The following DMXL2 variants were observed in gnomAD, a reference collection of about 807,000 sequenced individuals.
The protein encoded by DMXL2 is dmX-like protein 2.
In DMXL2, 103 loss-of-function variants were observed where a neutral mutation model predicts 331.1. The observed-to-expected ratio is 0.31, with a 90% CI of 0.27 to 0.37. The LOEUF (loss-of-function observed/expected upper bound fraction) is 0.37, where lower values mean the gene tolerates loss of function less well. Ranked by LOEUF, DMXL2 falls within the 10% of genes least tolerant of loss-of-function variation. The pLI is 1.00. For missense variants in DMXL2, 3,171 were observed against 3,642.9 expected, an observed-to-expected ratio of 0.87 and a Z score of 3.33; for synonymous variants, 1,281 against 1,252.1, an observed-to-expected ratio of 1.02 and a Z score of -0.49.
intron 28 of DMXL2, among the ~76,000 whole-genome samples, 180 bp from the exon 29 acceptor site, chr15:51,471,581 C>T (rs2041112910): frequency 6.6e-6 from 1 of 152,152 alleles, no homozygotes; most frequent in Admixed American, 6.5e-5. Flanking sequence ...GGCAGAGATA[C>T]AGATGGAGAT....
At chr15:51,496,390 C>T (rs576510182) in intron 18 of DMXL2, among the ~76,000 whole-genome samples, 1 of 152,224 alleles carries the variant, frequency 6.6e-6, no homozygotes, top group Admixed American at 6.5e-5. Context: ...CAGGAAGGAA[C>T]TCTCCAATAA....
chr15:51,457,510 C>T (rs1458379466), intron 36 of DMXL2, 44 bp from the exon 37 acceptor site: 2 of 1,598,436 alleles, frequency 1.3e-6, no homozygotes, highest in African/African-American at 2.7e-5. Context: ...TCCCTTTTCT[C>T]TTAACACAAA....
At chr15:51,452,454 T>TAATTCTCAAAATACAA (rs1405202096) in intron 41 of DMXL2, among the ~76,000 whole-genome samples, 1 of 151,942 alleles carries the variant, frequency 6.6e-6, no homozygotes, top group African/African-American at 2.4e-5. Context: ...CATGAACAGA[T>TAATTCTCAAAATACAA]AATTCTCAAA....
intron 9 of DMXL2, 125 bp downstream of exon 9, chr15:51,542,208 T>C: frequency 1.1e-6 from 1 of 893,688 alleles, no homozygotes; most frequent in Non-Finnish European, 1.7e-6. Flanking sequence ...ATTATATCTC[T>C]ACTCCAATTA....
In DMXL2 at chr15:51,499,023, C is replaced by T; in HGVS notation, c.4201G>A (p.Val1401Ile). 2 of 1,613,968 alleles carry T rather than the reference C, an allele frequency of 1.2e-6. No individual in the cohort carries two copies. Among genetic ancestry groups the T allele is most frequent in the Non-Finnish European group, 1.7e-6 (2 of 1,180,022 alleles). ...GTTTCCTTTGCTGTACTGCCACTTA[C>T]ACTAATAGTTCGAGAGAGATGTCGC... ...TKRHLSRTIS[V>I]SGSTAKETVT... Residue 1401 changes from valine to isoleucine, a missense_variant, in exon 18 of 44, where the codon GTA (valine) becomes ATA (isoleucine). This residue lies in a region of DMXL2 where 1,674 missense variants were observed against 1,780.2 expected (regional missense o/e 0.94). Coordinates refer to ENST00000560891, the MANE Select transcript of DMXL2 (RefSeq NM_001378457.1).
chr15:51,470,672 A>C (rs1016502706), intron 29 of DMXL2, among the ~76,000 whole-genome samples: 2 of 152,244 alleles, frequency 1.3e-5, no homozygotes, highest in Non-Finnish European at 2.9e-5. Context: ...AAGGAGAATC[A>C]TGAGCTCAAA....
In DMXL2 at chr15:51,605,517, CTTTTTTTTTTTTTTT is replaced by C. The variant is rs58113467; in HGVS notation, c.87+16927_87+16941del. Among the ~76,000 whole-genome samples the C allele has an allele frequency of 5.8e-4, 13 of 22,226 alleles. 2 individuals carry two copies. Among genetic ancestry groups the C allele is most frequent in the South Asian group, 2.0e-3 (1 of 498 alleles). The allele number at this position is 22,226 out of a possible 152,430, so 14.6% of individuals were successfully genotyped here. ...GGCCCAGCCCATACAGATTAATATTCTTTTTTTTTTTTTTTTTTTTTTTTTTTTTTTTTTTTTGAG... is the reference window on the plus strand; with the variant it reads ...GGCCCAGCCCATACAGATTAATATTCTTTTTTTTTTTTTTTTTTTTTTGAG... On this transcript the variant is annotated intron_variant, in intron 1 of 43. Transcript: ENST00000560891.
intron 1 of DMXL2, among the ~76,000 whole-genome samples, chr15:51,580,564 A>G (rs1362018452): frequency 2.6e-5 from 4 of 152,178 alleles, no homozygotes; most frequent in Non-Finnish European, 5.9e-5. Context: ...CTGCTCTTCT[A>G]ACAGTACTGA....
chr15:51,526,717 ACAAT>A (rs770835524), intron 13 of DMXL2, among the ~76,000 whole-genome samples: 8 of 152,234 alleles, frequency 5.3e-5, no homozygotes, highest in Non-Finnish European at 8.8e-5. Flanking sequence ...ATAATTAAAA[ACAAT>A]CAAGCAGAAA....
Position 51,476,621 on chromosome 15 carries a change from G to A in DMXL2, c.6932C>T (p.Ala2311Val), listed in dbSNP as rs746573677. 7 of 1,610,788 alleles carry A rather than the reference G, an allele frequency of 4.3e-6. No homozygotes were observed. Among genetic ancestry groups the A allele is most frequent in the East Asian group, 4.5e-5 (2 of 44,742 alleles). Residue 2311 changes from alanine (A) to valine (V), a missense_variant, in exon 27 of 44, where the codon GCA (alanine) becomes GTA (valine). Ala to Val is a moderately conservative substitution (Grantham distance 64, BLOSUM62 0). Coordinates refer to ENST00000560891, the MANE Select transcript of DMXL2 (RefSeq NM_001378457.1). ...TTGAGCAGGAGATGAATTTGGTGTT[G>A]CGTGTTCTTCAATGCTTTCTGTCCT... is the stretch of plus-strand genomic sequence containing the variant. ...RLRTESIEEH[A>V]TPNSSPAQWP...
rs774451049 is a variant in DMXL2, at chr15:51,622,525, G to A, written c.21C>T (p.Leu7=). MHLHQV[L]TGAVNPGDNC... is the part of the protein sequence containing the mutation. The stretch of plus-strand genomic sequence containing the variant: ...TGTCTCCAGGGTTGACAGCTCCGGT[G>A]AGGACCTGATGCAGATGCATCTCCG... The change falls in exon 1 of 44, where the codon CTC becomes CTT. Residue 7 remains leucine, a synonymous_variant. Transcript: ENST00000560891. 5.4e-5 allele frequency: 84 copies of A among 1,560,914 alleles called. No homozygotes were observed. Among genetic ancestry groups the A allele is most frequent in the Non-Finnish European group, 6.9e-5 (79 of 1,152,054 alleles).
intron 2 of DMXL2, among the ~76,000 whole-genome samples, chr15:51,575,336 T>C (rs981198881): frequency 3.9e-5 from 6 of 152,194 alleles, no homozygotes; most frequent in South Asian, 2.1e-4. Context: ...AACACTAAGA[T>C]TGTTTAAACT....
chr15:51,475,796 A>T (rs2041532754), intron 27 of DMXL2, among the ~76,000 whole-genome samples: 1 of 152,194 alleles, frequency 6.6e-6, no homozygotes, highest in Non-Finnish European at 1.5e-5. Context: ...TGTTTATAGG[A>T]AACACACATT....
intron 1 of DMXL2, among the ~76,000 whole-genome samples, chr15:51,600,047 C>G (rs554784367): frequency 2.8e-4 from 42 of 152,300 alleles, no homozygotes; most frequent in African/African-American, 1.0e-3. Flanking sequence ...TAATGAGAAA[C>G]CTGGCTCACA....
chr15:51,585,297 C>A (rs935608351), intron 1 of DMXL2, among the ~76,000 whole-genome samples: 1 of 140,488 alleles, frequency 7.1e-6, no homozygotes, highest in Non-Finnish European at 1.5e-5. Context: ...TTTTGAAATA[C>A]GTCCCATCAA....
At chr15:51,525,534 G>A (rs945255772) in intron 13 of DMXL2, among the ~76,000 whole-genome samples, 7 of 152,030 alleles carry the variant, frequency 4.6e-5, no homozygotes, top group African/African-American at 1.7e-4. Flanking sequence ...CAGCATTTCT[G>A]GATCTTCTGT....
chr15:51,547,207 G>T (rs771723637), intron 7 of DMXL2, 23 bp downstream of exon 7: 1 of 1,556,010 alleles, frequency 6.4e-7, no homozygotes, highest in East Asian at 2.3e-5. Flanking sequence ...GCAAACTAAA[G>T]CTACATGATT....
intron 25 of DMXL2, among the ~76,000 whole-genome samples, chr15:51,478,759 AAC>A (rs1418929965): frequency 2.0e-5 from 3 of 146,450 alleles, no homozygotes; most frequent in Non-Finnish European, 4.4e-5. Flanking sequence ...GATGAAAATA[AAC>A]ACTTAATCTT....
Position 51,500,203 on chromosome 15 carries a change from T to G in DMXL2, c.3021A>C (p.Pro1007=). Residue 1007 remains proline (P), a synonymous_variant, in exon 18 of 44, where the codon CCA becomes CCC. Transcript: ENST00000560891. ...CCACTAAATAAGGTGCAAGGCACAC[T>G]GGATAAATTGAAGAAGAACTCAGAT... is the stretch of plus-strand genomic sequence containing the variant. The part of the protein sequence containing the change: ...AGHLSSSSIY[P]VCLAPYLVVT... The G allele has an allele frequency of 6.2e-7, 1 of 1,604,962 alleles. No individual in the cohort carries two copies. Among genetic ancestry groups the G allele is most frequent in the Non-Finnish European group, 8.5e-7 (1 of 1,176,736 alleles).
Sources: allele counts gnomAD v4.1 joint callset (sites outside exome capture counted in the v4.1 genomes callset), GRCh38; gene constraint gnomAD v4.1.1; regional missense constraint gnomAD v4.1.1; transcripts MANE v1.5; gene names NCBI Gene and HGNC (gene_info 2026-07-23, HGNC 2026-07-21).